Variants in RSPH14 observed in about 807,000 individuals in gnomAD.
RSPH14 encodes rhabdoid tumor deletion region gene 1.
Under a neutral mutation model 26.7 loss-of-function variants are expected in RSPH14, and 20 were observed. The observed-to-expected ratio is 0.75, with a 90% CI of 0.53 to 1.09. The LOEUF (loss-of-function observed/expected upper bound fraction) is 1.09. Among genes scored for constraint, RSPH14 ranks in the 50% least tolerant of loss-of-function variants. RSPH14 has a pLI of 0.00. For missense variants in RSPH14, 449 were observed against 457.2 expected, an observed-to-expected ratio of 0.98 and a Z score of 0.16; for synonymous variants, 177 against 189.3, an observed-to-expected ratio of 0.93 and a Z score of 0.53.
chr22:23,170,531 C>T, the RSPH14 span, among the ~76,000 whole-genome samples: 1 of 151,928 alleles, frequency 6.6e-6, no homozygotes, highest in Non-Finnish European at 1.5e-5. Flanking sequence ...GACAGACTGC[C>T]TGAGCTCAGG....
At position 23,059,485 on chromosome 22, in the gene RSPH14, T is replaced by C; in HGVS notation, c.1024A>G (p.Ser342Gly). Residue 342 changes from serine to glycine, a missense_variant, in exon 7 of 7, where the codon AGT (serine) becomes GGT (glycine). Transcript: ENST00000216036. ...ALQRAARIAI[S>G]VIEFKP ...GCTCAGGGTTTGAACTCGATGACAC[T>C]GATGGCGATCCGGGCTGCCCGCTGT... 1.2e-6 allele frequency: 2 copies of C among 1,612,172 alleles called. No individual in the cohort carries two copies. Among genetic ancestry groups the C allele is most frequent in the Admixed American group, 1.7e-5 (1 of 59,830 alleles).
chr22:23,138,797 G>A (rs1168978559), intron 3 of RSPH14, 43 bp downstream of exon 3: 1 of 1,498,518 alleles, frequency 6.7e-7, no homozygotes, highest in South Asian at 1.2e-5. Flanking sequence ...GGGGAGAAGT[G>A]CGGCTCGCAA....
the RSPH14 span, chr22:23,152,629 G>C: frequency 8.5e-7 from 1 of 1,175,668 alleles, no homozygotes; most frequent in Non-Finnish European, 1.3e-6. Flanking sequence ...AAATCATGTG[G>C]CTTCCAGGAA....
chr22:23,078,860 T>C (rs555268059), intron 4 of RSPH14, among the ~76,000 whole-genome samples: 44 of 152,336 alleles, frequency 2.9e-4, no homozygotes, highest in African/African-American at 1.1e-3. Context: ...CTCCCGGGCC[T>C]GAGGGCTTAG....
chr22:23,175,496 A>G, the RSPH14 span, among the ~76,000 whole-genome samples: 9 of 150,946 alleles, frequency 6.0e-5, no homozygotes, highest in East Asian at 1.8e-3. Flanking sequence ...TAATTTTTAT[A>G]TTTTTGGTAG....
intron 3 of RSPH14, chr22:23,135,906 T>C (rs1257865765): frequency 6.6e-6 from 1 of 152,656 alleles, no homozygotes; most frequent in Non-Finnish European, 1.5e-5. Flanking sequence ...TGAGAATGCA[T>C]GTGCAAACCC....
At chr22:23,068,175 C>T (rs1349176607) in intron 4 of RSPH14, among the ~76,000 whole-genome samples, 2 of 152,214 alleles carry the variant, frequency 1.3e-5, no homozygotes, top group Non-Finnish European at 2.9e-5. Flanking sequence ...CCTTCATGTC[C>T]TGCACCGTCC....
the RSPH14 span, among the ~76,000 whole-genome samples, chr22:23,164,883 T>C: frequency 6.6e-6 from 1 of 151,910 alleles, no homozygotes; most frequent in African/African-American, 2.4e-5. Context: ...CTTTCGAGGC[T>C]CCTCACCACC....
chr22:23,138,732 T>G lies in RSPH14; in HGVS notation c.302+108A>C, dbSNP rs2070527005. 1.4e-5 allele frequency: 13 copies of G among 912,032 alleles called. 1 individual carries two copies. In the South Asian group the frequency reaches 2.2e-4, roughly 15 times the overall value. 56.5% of individuals were successfully genotyped at this position (912,032 alleles called of 1,614,324 possible). A position where few individuals can be genotyped will look rare whatever the true frequency, so the allele number is the denominator to read the frequency against. On this transcript the variant is annotated intron_variant, in intron 3 of 6. Transcript: ENST00000216036. ...GCTAAATAGAAGCCCCTGCAAAAAC[T>G]GATGCGGCAGACAACACTCCAGAGC...
the RSPH14 span, chr22:23,152,436 G>A: frequency 5.0e-6 from 8 of 1,613,750 alleles, no homozygotes; most frequent in East Asian, 2.2e-5. Flanking sequence ...CATGCCCGAC[G>A]GCAACACGGC....
intron 4 of RSPH14, among the ~76,000 whole-genome samples, chr22:23,130,520 G>GAA (rs1038443961): frequency 6.6e-6 from 1 of 150,460 alleles, no homozygotes; most frequent in African/African-American, 2.4e-5. Context: ...AAGAAAGAAA[G>GAA]AAAGAAAGAA....
upstream of RSPH14, among the ~76,000 whole-genome samples, chr22:23,148,598 C>T (rs2070935070): frequency 6.6e-6 from 1 of 152,180 alleles, no homozygotes; most frequent in South Asian, 2.1e-4. Flanking sequence ...GGATCAAGGC[C>T]ACTGCTGGTC....
At chr22:23,079,606 C>T (rs1043294499) in intron 4 of RSPH14, among the ~76,000 whole-genome samples, 1 of 152,216 alleles carries the variant, frequency 6.6e-6, no homozygotes, top group African/African-American at 2.4e-5. Context: ...GTGAGACATA[C>T]TCTGCCTCAT....
At chr22:23,081,898 G>A (rs561016295) in intron 4 of RSPH14, among the ~76,000 whole-genome samples, 29 of 151,656 alleles carry the variant, frequency 1.9e-4, no homozygotes, top group Admixed American at 1.9e-3. Flanking sequence ...GGCCGAGGCG[G>A]GCGGATCACG....
chr22:23,120,048 T>G (rs1444943990), intron 4 of RSPH14, among the ~76,000 whole-genome samples: 2 of 152,180 alleles, frequency 1.3e-5, no homozygotes, highest in Admixed American at 6.5e-5. Flanking sequence ...GAGATGTTTG[T>G]CTGTCCTGAT....
chr22:23,167,889 G>A, the RSPH14 span, among the ~76,000 whole-genome samples: 12 of 151,940 alleles, frequency 7.9e-5, no homozygotes, highest in Admixed American at 6.6e-4. Context: ...GTCTCGCATT[G>A]TTACCCAGGC....
At chr22:23,173,622 G>GTTTT in the RSPH14 span, among the ~76,000 whole-genome samples, 10 of 112,286 alleles carry the variant, frequency 8.9e-5, no homozygotes, top group East Asian at 2.9e-4. Context: ...TTTATTTTTG[G>GTTTT]TTTTTTGTTT....
In RSPH14 at chr22:23,071,752, G is replaced by T. The variant is rs1023987639; in HGVS notation, c.422-7619C>A. Among the ~76,000 whole-genome samples, 1 of 152,208 alleles carries T rather than the reference G, an allele frequency of 6.6e-6. No homozygotes were observed. The highest frequency in any genetic ancestry group is 1.5e-5 in the Non-Finnish European group (1 of 68,040). ...TCAGAGTGGTGTCCTGGGCTGGGGGGTCAGGTGAGCTCGTGGGCAACATGA... is the reference window on the plus strand; with the variant it reads ...TCAGAGTGGTGTCCTGGGCTGGGGGTTCAGGTGAGCTCGTGGGCAACATGA... On this transcript the variant is annotated intron_variant, in intron 4 of 6. Transcript: ENST00000216036. This position sits in a 1 kb window ranked among gnomAD's most constrained non-coding sequence, Gnocchi z 4.1.
intron 3 of RSPH14, among the ~76,000 whole-genome samples, chr22:23,135,560 G>C (rs1431649087): frequency 6.6e-6 from 1 of 151,672 alleles, no homozygotes; most frequent in Non-Finnish European, 1.5e-5. Context: ...TTGCATACAG[G>C]TTATTTCATT....
Sources: allele counts gnomAD v4.1 joint callset (sites outside exome capture counted in the v4.1 genomes callset), GRCh38; gene constraint gnomAD v4.1.1; non-coding constraint Gnocchi (gnomAD v3.1); transcripts MANE v1.5; gene names NCBI Gene and HGNC (gene_info 2026-07-23, HGNC 2026-07-21).